Variants in MORC1 observed in about 807,000 individuals in gnomAD.
MORC1 encodes the protein MORC family CW-type zinc finger 1.
MORC1 carries 59 observed loss-of-function variants against 134.9 expected under a neutral mutation model. That is an observed-to-expected ratio of 0.44 (90% CI 0.35 to 0.54). The LOEUF is 0.54. Ranked by LOEUF, MORC1 falls within the 20% of genes least tolerant of loss-of-function variation. MORC1 has a pLI of 0.00. For missense variants in MORC1, 947 were observed against 1,134.5 expected (o/e 0.83, Z 2.37); for synonymous variants, 395 against 391.7 (o/e 1.01, Z -0.10).
chr3:109,047,353 A>T (rs1408583042), intron 14 of MORC1, among the ~76,000 whole-genome samples: 1 of 152,198 alleles, frequency 6.6e-6, no homozygotes, highest in Non-Finnish European at 1.5e-5. Flanking sequence ...TAAGGGTCCT[A>T]AACTTTTTAG....
At chr3:108,976,453 C>T (rs1168292743) in intron 24 of MORC1, among the ~76,000 whole-genome samples, 1 of 152,138 alleles carries the variant, frequency 6.6e-6, no homozygotes, top group Non-Finnish European at 1.5e-5. Context: ...CAAGAAATTA[C>T]ATGTGGACCA....
chr3:109,030,213 A>C (rs539510756), intron 16 of MORC1, among the ~76,000 whole-genome samples: 161 of 152,314 alleles, frequency 1.1e-3, no homozygotes, highest in African/African-American at 3.8e-3. Flanking sequence ...ACTATTCCCT[A>C]ATAAATAATT....
chr3:109,037,673 A>G (rs1419411234), intron 14 of MORC1, among the ~76,000 whole-genome samples: 1 of 152,042 alleles, frequency 6.6e-6, no homozygotes, highest in Non-Finnish European at 1.5e-5. Flanking sequence ...ATTCCCACCT[A>G]TGAGTGAGAA....
chr3:109,111,050 T>TAAAAAAAAAAAAAAA (rs11344763), intron 2 of MORC1, among the ~76,000 whole-genome samples: 7 of 113,864 alleles, frequency 6.1e-5, no homozygotes, highest in Non-Finnish European at 1.1e-4. Context: ...GGATATAATT[T>TAAAAAAAAAAAAAAA]AAAAAAAAAA....
chr3:109,117,891 T>C (rs1162531614), intron 1 of MORC1, 104 bp downstream of exon 1: 2 of 912,476 alleles, frequency 2.2e-6, no homozygotes, highest in East Asian at 5.3e-5. Flanking sequence ...AATAAATCCA[T>C]AAATCAAGTT....
chr3:109,012,735 A>AT (rs1464674747), intron 17 of MORC1, among the ~76,000 whole-genome samples: 1 of 152,194 alleles, frequency 6.6e-6, no homozygotes, highest in African/African-American at 2.4e-5. Flanking sequence ...GAAAAAGTTA[A>AT]TTTTTATATA....
intron 8 of MORC1, among the ~76,000 whole-genome samples, chr3:109,091,224 C>A (rs1323079364): frequency 1.3e-5 from 2 of 151,670 alleles, no homozygotes; most frequent in Non-Finnish European, 2.9e-5. Flanking sequence ...GAGTAGATCA[C>A]CTGAAGTCAG....
intron 21 of MORC1, among the ~76,000 whole-genome samples, chr3:108,998,016 G>A (rs202089314): frequency 7.9e-5 from 12 of 152,130 alleles, no homozygotes; most frequent in East Asian, 1.9e-4. Flanking sequence ...GCAAAGGTTC[G>A]CTGAGTCAGT....
chr3:109,045,479 G>A (rs565461619), intron 14 of MORC1, among the ~76,000 whole-genome samples: 31 of 152,192 alleles, frequency 2.0e-4, no homozygotes, highest in Non-Finnish European at 4.3e-4. Context: ...AGTTGGTAAT[G>A]ATGCCTGGTA....
In MORC1 at chr3:109,057,490, G is replaced by A; in HGVS notation, c.1032-4C>T. 1.3e-6 allele frequency: 2 copies of A among 1,575,344 alleles called. No homozygotes were observed. Among genetic ancestry groups the A allele is most frequent in the East Asian group, 2.3e-5 (1 of 44,102 alleles). Reference sequence around the variant, plus strand: ...CGTTCTTGCTGTTTTTAATTCTCTAGAGTTACATTTAAAAAGTTTAAAAAG... The same window carrying A: ...CGTTCTTGCTGTTTTTAATTCTCTAAAGTTACATTTAAAAAGTTTAAAAAG... On this transcript the variant is annotated splice_region_variant and splice_polypyrimidine_tract_variant and intron_variant, in intron 12 of 27. Transcript: ENST00000232603.
intron 24 of MORC1, among the ~76,000 whole-genome samples, chr3:108,974,070 C>T (rs1001396963): frequency 1.3e-5 from 2 of 152,080 alleles, no homozygotes; most frequent in Admixed American, 6.5e-5. Flanking sequence ...AAGCAAGTTC[C>T]CTGGACCCTC....
intron 8 of MORC1, among the ~76,000 whole-genome samples, chr3:109,077,844 G>C (rs1171585911): frequency 1.3e-5 from 2 of 151,978 alleles, no homozygotes; most frequent in Non-Finnish European, 2.9e-5. Context: ...AAAAAATCTA[G>C]TTATATGCTG....
intron 22 of MORC1, 142 bp downstream of exon 22, chr3:108,986,738 C>T (rs572944452): frequency 5.6e-4 from 329 of 589,830 alleles, no homozygotes; most frequent in Middle Eastern, 3.4e-3. Context: ...ACTCCTCTCA[C>T]TTCTAGAACA....
intron 21 of MORC1, among the ~76,000 whole-genome samples, chr3:108,999,867 T>C (rs1407753568): frequency 6.9e-6 from 1 of 145,664 alleles, no homozygotes; most frequent in Non-Finnish European, 1.6e-5. Context: ...TGTAAATTAC[T>C]TTTAGTGAGT....
intron 8 of MORC1, 112 bp downstream of exon 8, chr3:109,093,324 G>T: frequency 1.4e-6 from 1 of 725,540 alleles, no homozygotes; most frequent in Non-Finnish European, 2.3e-6. Flanking sequence ...AGGGTAAGAT[G>T]AATTGTCCCA....
chr3:109,100,443 T>C lies in MORC1; in HGVS notation c.288A>G (p.Ile96Met). ...SKKRLSTLKF[I>M]GQYGNGLKSG... The stretch of plus-strand genomic sequence containing the variant: ...TTTTAAGACCATTGCCGTATTGCCC[T>C]ATGAACTTCAAGGTTGACAGCCGTT... Residue 96 changes from isoleucine to methionine, a missense_variant, in exon 5 of 28, where the codon ATA becomes ATG. Ile to Met is a conservative substitution (Grantham distance 10, BLOSUM62 1). This residue lies in a region of MORC1 where 214 missense variants were observed against 281.3 expected (regional missense o/e 0.76). Transcript: ENST00000232603. The C allele has an allele frequency of 6.2e-7, 1 of 1,613,520 alleles. No homozygotes were observed. The highest frequency in any genetic ancestry group is 8.5e-7 in the Non-Finnish European group (1 of 1,179,454).
intron 8 of MORC1, among the ~76,000 whole-genome samples, chr3:109,088,279 T>G (rs1021242744): frequency 6.6e-6 from 1 of 151,956 alleles, no homozygotes; most frequent in African/African-American, 2.4e-5. Flanking sequence ...ATCAACAAAG[T>G]AAACAGACAA....
chr3:108,979,805 A>T, intron 23 of MORC1, 138 bp from the exon 24 acceptor site: 1 of 834,490 alleles, frequency 1.2e-6, no homozygotes, highest in Non-Finnish European at 1.8e-6. Flanking sequence ...AACTGCCACC[A>T]CTGTAGTTAC....
chr3:109,040,404 G>GAGAAGGAAGGAAGT lies in MORC1; in HGVS notation c.1331-4937_1331-4936insACTTCCTTCCTTCT, dbSNP rs1949491016. Among the ~76,000 whole-genome samples the GAGAAGGAAGGAAGT allele has an allele frequency of 2.9e-4, 2 of 6,872 alleles. 1 individual carries two copies. The highest frequency in any genetic ancestry group is 7.8e-4 in the Non-Finnish European group (2 of 2,550). 4.5% of individuals were successfully genotyped at this position (6,872 alleles called of 152,430 possible). ...AAAGAAAGAAAGAAAGAAAGAAAGA[G>GAGAAGGAAGGAAGT]AAGGAAGGAAGGAAGGAAGGAAGGA... On this transcript the variant is annotated intron_variant, in intron 14 of 27. Transcript: ENST00000232603.
Sources: gnomAD v4.1 joint callset for allele counts (sites outside exome capture counted in the v4.1 genomes callset) on GRCh38, gnomAD v4.1.1 for gene constraint, gnomAD v4.1.1 regional missense constraint, MANE v1.5 for transcripts, NCBI Gene and HGNC (gene_info 2026-07-23, HGNC 2026-07-21) for gene names.